DENND1A: variants seen among roughly 807,000 people sequenced by gnomAD.
DENND1A encodes DENN domain-containing protein 1A.
DENND1A carries 51 observed loss-of-function variants against 113.7 expected under a neutral mutation model. That is an observed-to-expected ratio of 0.45 (90% confidence interval 0.36 to 0.57). The LOEUF (loss-of-function observed/expected upper bound fraction) is 0.57. Among genes scored for constraint, DENND1A ranks in the 20% least tolerant of loss-of-function variants. DENND1A has a pLI of 0.00. For synonymous variants in DENND1A, 565 were observed against 570.8 expected (o/e 0.99, Z 0.14); for missense variants, 1,258 against 1,395.9 (o/e 0.90, Z 1.57).
intron 3 of DENND1A, among the ~76,000 whole-genome samples, chr9:123,788,916 T>G (rs1027033241): frequency 2.0e-5 from 3 of 152,122 alleles, no homozygotes. Context: ...ATAAGTAAGC[T>G]GTTATTAAAA....
At chr9:123,854,821 T>C (rs1843913543) in intron 2 of DENND1A, among the ~76,000 whole-genome samples, 1 of 151,222 alleles carries the variant, frequency 6.6e-6, no homozygotes, top group Non-Finnish European at 1.5e-5. Flanking sequence ...CTTGGTCGAA[T>C]ATATCTTCAT....
At chr9:123,792,482 T>C in intron 3 of DENND1A, 105 bp downstream of exon 3, 1 of 1,215,182 alleles carries the variant, frequency 8.2e-7, no homozygotes, top group Non-Finnish European at 1.2e-6. Flanking sequence ...TTTTCTTCCC[T>C]TCTAAAAATT....
At chr9:123,681,035 T>G (rs7851094) in intron 5 of DENND1A, among the ~76,000 whole-genome samples, 1 of 151,864 alleles carries the variant, frequency 6.6e-6, no homozygotes, top group African/African-American at 2.4e-5. Context: ...TGAGGGGTCA[T>G]TGGGCATAGT....
Position 123,391,032 on chromosome 9 carries a change from CT to C in DENND1A, c.1632-3175del, listed in dbSNP as rs370947469. Among the ~76,000 whole-genome samples, 558 of 152,380 alleles carry C rather than the reference CT, an allele frequency of 3.7e-3. 2 individuals are homozygous for C. Among genetic ancestry groups the C allele is most frequent in the African/African-American group, 0.013 (526 of 41,586 alleles). On this transcript the variant is annotated intron_variant, in intron 21 of 23. Coordinates refer to ENST00000394215, the MANE Select transcript of DENND1A (RefSeq NM_001352964.2). ...TGTGCCCTGGCTTTGCTAAATCCAA[CT>C]GCCGCAGTTCAGGCCACTGTCACAA...
intron 21 of DENND1A, among the ~76,000 whole-genome samples, chr9:123,388,131 C>T (rs1310624293): frequency 2.0e-5 from 3 of 152,252 alleles, no homozygotes; most frequent in Non-Finnish European, 4.4e-5. Flanking sequence ...CAAAGAATCA[C>T]ACTGGAAGAT....
intron 13 of DENND1A, among the ~76,000 whole-genome samples, chr9:123,463,547 A>T (rs1162229268): frequency 1.3e-5 from 2 of 152,174 alleles, no homozygotes; most frequent in Non-Finnish European, 2.9e-5. Flanking sequence ...CTATGTGCAC[A>T]TTTATGAGAT....
chr9:123,443,433 A>C (rs1258022090), intron 18 of DENND1A, among the ~76,000 whole-genome samples: 2 of 152,248 alleles, frequency 1.3e-5, no homozygotes, highest in East Asian at 3.8e-4. Flanking sequence ...AGTGGAGTTA[A>C]ACATTTGGAA....
rs576474783 is a variant in DENND1A, at chr9:123,432,023, G to A, written c.1488+8337C>T. ...GCACCTGGATTTTCACTCAGCTGCTGACATTTCTCAGTTCTTCCATGGTAC... is the reference window on the plus strand; with the variant it reads ...GCACCTGGATTTTCACTCAGCTGCTAACATTTCTCAGTTCTTCCATGGTAC... On this transcript the variant is annotated intron_variant, in intron 19 of 23. Coordinates refer to ENST00000394215, the MANE Select transcript of DENND1A (RefSeq NM_001352964.2). Among the ~76,000 whole-genome samples, 47 of 152,274 alleles carry A rather than the reference G, an allele frequency of 3.1e-4. 1 individual carries two copies. In the South Asian group the frequency reaches 8.7e-3, roughly 28 times the overall value.
intron 13 of DENND1A, among the ~76,000 whole-genome samples, chr9:123,553,424 C>T (rs2057241802): frequency 6.6e-6 from 1 of 151,314 alleles, no homozygotes; most frequent in African/African-American, 2.4e-5. Context: ...CCTCATCCCT[C>T]CGTGATTCTG....
At chr9:123,769,677 A>G (rs1829412299) in intron 3 of DENND1A, 114 bp from the exon 4 acceptor site, 3 of 776,916 alleles carry the variant, frequency 3.9e-6, no homozygotes, top group Non-Finnish European at 5.9e-6. Context: ...CAGATGAAGA[A>G]ATATGGGCTT....
chr9:123,626,909 T>C (rs770970360), intron 10 of DENND1A, among the ~76,000 whole-genome samples: 3 of 152,178 alleles, frequency 2.0e-5, no homozygotes, highest in Non-Finnish European at 4.4e-5. Context: ...TCAATGGCTT[T>C]GGACAGACTG....
Position 123,387,712 on chromosome 9 carries a change from G to T in DENND1A, c.1760+18C>A. ...TCACCAAGCCGAGCTCAGGGAAATG[G>T]AAGAAGGAAGGAGAGACCATTCAAA... On this transcript the variant is annotated intron_variant, in intron 22 of 23. Transcript: ENST00000394215. 1 of 1,288,840 alleles carries T rather than the reference G, an allele frequency of 7.8e-7. No individual in the cohort carries two copies. Among genetic ancestry groups the T allele is most frequent in the Non-Finnish European group, 1.0e-6 (1 of 988,144 alleles). 79.8% of individuals were successfully genotyped at this position (1,288,840 alleles called of 1,614,324 possible).
chr9:123,898,320 A>G (rs1346194272), intron 1 of DENND1A, among the ~76,000 whole-genome samples: 1 of 151,872 alleles, frequency 6.6e-6, no homozygotes, highest in African/African-American at 2.4e-5. Context: ...ATATAATATG[A>G]TACATTTTAT....
chr9:123,413,839 C>T (rs991111509), intron 19 of DENND1A: 2 of 985,050 alleles, frequency 2.0e-6, no homozygotes, highest in African/African-American at 1.7e-5. Flanking sequence ...CCCCCCACCC[C>T]TCAATTCACA....
chr9:123,696,539 A>C (rs933385157), intron 5 of DENND1A, among the ~76,000 whole-genome samples: 1 of 152,234 alleles, frequency 6.6e-6, no homozygotes, highest in Non-Finnish European at 1.5e-5. Context: ...CTGGGGAAAG[A>C]GGAAGAGTGG....
At chr9:123,613,089 A>G (rs967499805) in intron 10 of DENND1A, among the ~76,000 whole-genome samples, 8 of 151,946 alleles carry the variant, frequency 5.3e-5, no homozygotes, top group Non-Finnish European at 1.0e-4. Flanking sequence ...GGCACACACC[A>G]TCTCTACACA....
Position 123,655,149 on chromosome 9 carries a change from C to T in DENND1A, c.508-3026G>A, listed in dbSNP as rs141250463. ...GCCCAGCTCCAATGTCACCTCCTCCCGGGAGACTTCCTCAATTCATTTGTC... is the reference window on the plus strand; with the variant it reads ...GCCCAGCTCCAATGTCACCTCCTCCTGGGAGACTTCCTCAATTCATTTGTC... On this transcript the variant is annotated intron_variant, in intron 8 of 23. Coordinates refer to ENST00000394215, the MANE Select transcript of DENND1A (RefSeq NM_001352964.2). 4.2e-3 allele frequency among the ~76,000 whole-genome samples: 644 copies of T among 152,306 alleles called. 4 individuals carry two copies. The highest frequency in any genetic ancestry group is 0.015 in the African/African-American group (611 of 41,556).
chr9:123,924,947 C>G (rs1856846778), intron 1 of DENND1A, among the ~76,000 whole-genome samples: 1 of 152,198 alleles, frequency 6.6e-6, no homozygotes, highest in African/African-American at 2.4e-5. Context: ...TCCTTTAAGT[C>G]TCAGCTCAAA....
At chr9:123,742,436 G>A (rs2069108829) in intron 5 of DENND1A, among the ~76,000 whole-genome samples, 1 of 152,186 alleles carries the variant, frequency 6.6e-6, no homozygotes, top group African/African-American at 2.4e-5. Context: ...CAAGCTGTAA[G>A]TAGTACAAAT....
Sources: gnomAD v4.1 joint callset for allele counts (sites outside exome capture counted in the v4.1 genomes callset) on GRCh38, gnomAD v4.1.1 for gene constraint, MANE v1.5 for transcripts, NCBI Gene and HGNC (gene_info 2026-07-23, HGNC 2026-07-21) for gene names.